NHSL1: variants seen among roughly 807,000 people sequenced by gnomAD.
NHSL1 encodes NHS-like protein 1.
NHSL1 carries 48 observed loss-of-function variants against 95.0 expected under a neutral mutation model. The observed-to-expected ratio is 0.51, with a 90% confidence interval of 0.40 to 0.64. The LOEUF (loss-of-function observed/expected upper bound fraction) is 0.64, where lower values mean the gene tolerates loss of function less well. NHSL1 is among the 30% of genes least tolerant of loss of function. NHSL1 has a pLI of 0.00. For missense variants in NHSL1, 1,971 were observed against 2,077.7 expected (o/e 0.95, Z 1.00); for synonymous variants, 783 against 833.9 (o/e 0.94, Z 1.05).
At chr6:138,473,806 C>G (rs148614332) in intron 2 of NHSL1, among the ~76,000 whole-genome samples, 1 of 151,566 alleles carries the variant, frequency 6.6e-6, no homozygotes. Flanking sequence ...TAATCCAGGG[C>G]CTTAGTTACC....
chr6:138,597,804 T>A (rs1423972042), intron 1 of NHSL1, among the ~76,000 whole-genome samples: 1 of 152,198 alleles, frequency 6.6e-6, no homozygotes, highest in African/African-American at 2.4e-5. Context: ...TTTTTAAGCA[T>A]GCATGAATAG....
intron 1 of NHSL1, among the ~76,000 whole-genome samples, chr6:138,605,795 A>C (rs2114577015): frequency 6.6e-6 from 1 of 152,356 alleles, no homozygotes; most frequent in East Asian, 1.9e-4. Flanking sequence ...TCTCTGCTGA[A>C]GGGAACTACT....
At chr6:138,663,804 G>A (rs1027632395) in intron 1 of NHSL1, among the ~76,000 whole-genome samples, 5 of 152,228 alleles carry the variant, frequency 3.3e-5, no homozygotes, top group East Asian at 1.9e-4. Context: ...CTGGGAGGCG[G>A]AGGTTGCAGT....
intron 2 of NHSL1, among the ~76,000 whole-genome samples, chr6:138,482,640 C>G (rs1054934594): frequency 8.5e-5 from 13 of 152,088 alleles, no homozygotes; most frequent in Admixed American, 2.6e-4. Flanking sequence ...ACAGTCAAGG[C>G]AGAGCTAGCT....
chr6:138,429,905 A>G lies in NHSL1; in HGVS notation c.3953-62T>C, dbSNP rs959750133. 17 of 1,496,728 alleles carry G rather than the reference A, an allele frequency of 1.1e-5. No homozygotes were observed. The Admixed American group carries it at 2.6e-4, about 23-fold the overall frequency. 92.7% of individuals were successfully genotyped at this position (1,496,728 alleles called of 1,614,324 possible). A position where few individuals can be genotyped will look rare whatever the true frequency, so the allele number is the denominator to read the frequency against. ...TGACTGGAATTTCAGTCCTCAGCCAAGCTTCTAAATATGCTGCTTCCCTGC... is the reference window on the plus strand; with the variant it reads ...TGACTGGAATTTCAGTCCTCAGCCAGGCTTCTAAATATGCTGCTTCCCTGC... On this transcript the variant is annotated intron_variant, in intron 6 of 7. Coordinates refer to ENST00000343505, the MANE Select transcript of NHSL1 (RefSeq NM_001144060.2).
chr6:138,574,351 A>T (rs1324730290), upstream of NHSL1, among the ~76,000 whole-genome samples: 2 of 152,158 alleles, frequency 1.3e-5, no homozygotes, highest in Admixed American at 1.3e-4. Flanking sequence ...ATATAAAAGG[A>T]AAAGTAAAAA....
chr6:138,480,402 T>C (rs1471978718), intron 2 of NHSL1, among the ~76,000 whole-genome samples: 1 of 152,208 alleles, frequency 6.6e-6, no homozygotes, highest in African/African-American at 2.4e-5. Context: ...TCCATATAAG[T>C]GGACCCTCCA....
intron 2 of NHSL1, among the ~76,000 whole-genome samples, chr6:138,483,566 GA>G (rs1248054017): frequency 6.6e-6 from 1 of 152,188 alleles, no homozygotes; most frequent in Admixed American, 6.5e-5. Flanking sequence ...CAACTGCAGG[GA>G]AAACTTCCTG....
chr6:138,617,331 G>A (rs531790820), intron 1 of NHSL1, among the ~76,000 whole-genome samples: 1 of 152,284 alleles, frequency 6.6e-6, no homozygotes, highest in East Asian at 1.9e-4. Context: ...CATTGCTCCT[G>A]TTTGCTACAA....
At chr6:138,516,413 T>C (rs536755741) in intron 1 of NHSL1, among the ~76,000 whole-genome samples, 3 of 152,280 alleles carry the variant, frequency 2.0e-5, no homozygotes, top group African/African-American at 7.2e-5. Flanking sequence ...CCCGTCTGCT[T>C]ACAATGTTGT....
intron 1 of NHSL1, among the ~76,000 whole-genome samples, chr6:138,647,943 T>C (rs530131415): frequency 5.4e-4 from 83 of 152,330 alleles, no homozygotes; most frequent in Non-Finnish European, 7.6e-4. Flanking sequence ...GCAGTTTAAA[T>C]TGTTGCCAAA....
intron 1 of NHSL1, among the ~76,000 whole-genome samples, chr6:138,691,389 T>C (rs1380503522): frequency 6.6e-6 from 1 of 152,204 alleles, no homozygotes; most frequent in East Asian, 1.9e-4. Context: ...GCAATCTCAC[T>C]GAAATTAAAT....
In NHSL1 at chr6:138,520,280, C is replaced by CTTTTT. The variant is rs397888767; in HGVS notation, c.17-23914_17-23910dup. ...CTGGAATACGCTGCCTAGTTTAATT[C>CTTTTT]TTTTTTTTTTTTTTTTTTTTTTTTT... is the stretch of plus-strand genomic sequence containing the variant. On this transcript the variant is annotated intron_variant, in intron 1 of 4. Transcript: ENST00000342260. Among the ~76,000 whole-genome samples the CTTTTT allele has an allele frequency of 3.2e-4, 26 of 80,926 alleles. 2 individuals are homozygous for CTTTTT. The highest frequency in any genetic ancestry group is 9.3e-4 in the African/African-American group (20 of 21,564). 53.1% of individuals were successfully genotyped at this position (80,926 alleles called of 152,430 possible). A position where few individuals can be genotyped will look rare whatever the true frequency, so the allele number is the denominator to read the frequency against.
At chr6:138,669,810 C>A (rs9495197) in intron 1 of NHSL1, among the ~76,000 whole-genome samples, 1 of 152,100 alleles carries the variant, frequency 6.6e-6, no homozygotes, top group African/African-American at 2.4e-5. Context: ...ACTGAGCAGC[C>A]TAAGATGACC....
At chr6:138,661,294 C>T (rs1319364823) in intron 1 of NHSL1, among the ~76,000 whole-genome samples, 1 of 152,108 alleles carries the variant, frequency 6.6e-6, no homozygotes, top group African/African-American at 2.4e-5. Flanking sequence ...CCTCCCACTC[C>T]AGCCCCTGGT....
chr6:138,558,048 T>C (rs569538614), intron 1 of NHSL1, among the ~76,000 whole-genome samples: 1 of 152,256 alleles, frequency 6.6e-6, no homozygotes, highest in Non-Finnish European at 1.5e-5. Context: ...ACTTCTCTAG[T>C]ATTTTATACA....
chr6:138,431,431 G>A lies in NHSL1; in HGVS notation c.2914C>T (p.Pro972Ser), dbSNP rs1355293834. 4 of 1,550,754 alleles carry A rather than the reference G, an allele frequency of 2.6e-6. No homozygotes were observed. Among genetic ancestry groups the A allele is most frequent in the Admixed American group, 3.9e-5 (2 of 50,960 alleles). The change falls in exon 6 of 8, where the codon CCC becomes TCC. Residue 972 changes from proline to serine, a missense_variant. Around this residue, in one of 3 missense-constraint regions of NHSL1, gnomAD observed 1,602 missense variants for 1,654.5 expected, o/e 0.97. Coordinates refer to ENST00000343505, the MANE Select transcript of NHSL1 (RefSeq NM_001144060.2). The surrounding 1 kb of genome is among the most constrained non-coding windows in gnomAD (Gnocchi z 4.0). ...ATGAGAGCTTCTGGCGGCGGAGGGG[G>A]GAACACAGGAGAGTGAGGCAGAGGA... The part of the protein sequence containing the change: ...GSPLPHSPVF[P>S]PPPPEALIPF...
chr6:138,643,235 AT>A (rs551911284), intron 1 of NHSL1, among the ~76,000 whole-genome samples: 10 of 151,898 alleles, frequency 6.6e-5, no homozygotes, highest in Non-Finnish European at 1.3e-4. Flanking sequence ...CTAAGACTTT[AT>A]TTTTTTTAGA....
At chr6:138,477,202 A>T (rs1779130538) in intron 2 of NHSL1, among the ~76,000 whole-genome samples, 1 of 152,218 alleles carries the variant, frequency 6.6e-6, no homozygotes, top group Non-Finnish European at 1.5e-5. Context: ...CAGGGTTTTG[A>T]AATATTTCAC....
Sources: gnomAD v4.1 joint callset for allele counts (sites outside exome capture counted in the v4.1 genomes callset) on GRCh38, gnomAD v4.1.1 for gene constraint, gnomAD v4.1.1 regional missense constraint, Gnocchi (gnomAD v3.1) non-coding constraint, MANE v1.5 for transcripts, NCBI Gene and HGNC (gene_info 2026-07-23, HGNC 2026-07-21) for gene names.